The following HHAT variants were observed in gnomAD, a reference collection of about 807,000 sequenced individuals.
HHAT encodes hedgehog acyltransferase.
A neutral mutation model predicts 70.8 loss-of-function variants in HHAT; 47 were observed. That is an observed-to-expected ratio of 0.66 (90% confidence interval 0.53 to 0.85). The LOEUF (loss-of-function observed/expected upper bound fraction) is 0.85. HHAT is among the 40% of genes least tolerant of loss of function. HHAT has a pLI of 0.00. For synonymous variants in HHAT, 228 were observed against 247.6 expected (o/e 0.92, Z 0.74); for missense variants, 609 against 604.8 (o/e 1.01, Z -0.07).
At chr1:210,651,037 G>C (rs1367660766) in intron 11 of HHAT, among the ~76,000 whole-genome samples, 2 of 152,216 alleles carry the variant, frequency 1.3e-5, no homozygotes, top group Non-Finnish European at 2.9e-5. Context: ...TAGGGGGAGA[G>C]AGGAACCAGC....
At chr1:210,484,242 T>C (rs1021490794) in intron 8 of HHAT, among the ~76,000 whole-genome samples, 15 of 151,850 alleles carry the variant, frequency 9.9e-5, no homozygotes, top group Non-Finnish European at 1.6e-4. Flanking sequence ...GTCCGTAGCC[T>C]TTTTTTGTCT....
chr1:210,374,853 T>C lies in HHAT; in HGVS notation c.159+11934T>C, dbSNP rs963538344. On this transcript the variant is annotated intron_variant, in intron 3 of 11. Transcript: ENST00000261458. ...ATTACCTGGGTATATTGTGTGACGC[T>C]GAGGTTGAGGGTATGAATGATCTTG... Among the ~76,000 whole-genome samples, 4 of 151,662 alleles carry C rather than the reference T, an allele frequency of 2.6e-5. No individual in the cohort carries two copies. In the East Asian group the frequency reaches 7.8e-4, roughly 29 times the overall value.
intron 8 of HHAT, among the ~76,000 whole-genome samples, chr1:210,468,576 CT>C (rs1450117164): frequency 2.0e-5 from 3 of 152,098 alleles, no homozygotes; most frequent in Non-Finnish European, 4.4e-5. Flanking sequence ...TGAGCACCTT[CT>C]TTTAGTGAGG....
chr1:210,328,223 A>G (rs1010237759), upstream of HHAT: 1 of 152,152 alleles, frequency 6.6e-6, no homozygotes, highest in African/African-American at 2.4e-5. Flanking sequence ...TTCTGCTGAG[A>G]TAAGTCTGGA....
chr1:210,440,460 C>T (rs1306477011), intron 7 of HHAT, among the ~76,000 whole-genome samples: 1 of 151,672 alleles, frequency 6.6e-6, no homozygotes, highest in Non-Finnish European at 1.5e-5. Flanking sequence ...GTAGCCCACC[C>T]CAGAAAGGCT....
rs560588829 is a variant in HHAT at position 210,374,454 on chromosome 1, T to G, written c.159+11535T>G. On this transcript the variant is annotated intron_variant, in intron 3 of 11. Coordinates refer to ENST00000261458, the MANE Select transcript of HHAT (RefSeq NM_018194.6). ...TTTAAGCTTTAAATAATTTACTATG[T>G]GCAGGGTACTATGGGTATGCAAATG... Among the ~76,000 whole-genome samples the G allele has an allele frequency of 2.0e-5, 3 of 152,324 alleles. No homozygotes were observed. In the East Asian group the frequency reaches 5.8e-4, roughly 29 times the overall value.
chr1:210,485,570 T>A (rs1372997580), intron 8 of HHAT, among the ~76,000 whole-genome samples: 3 of 152,114 alleles, frequency 2.0e-5, no homozygotes, highest in Non-Finnish European at 4.4e-5. Context: ...TACCTGAGAC[T>A]GGGTAAATTA....
chr1:210,387,557 A>G lies in HHAT; in HGVS notation c.249A>G (p.Gln83=). The G allele has an allele frequency of 3.1e-6, 5 of 1,613,778 alleles. No individual in the cohort carries two copies. The highest frequency in any genetic ancestry group is 3.4e-6 in the Non-Finnish European group (4 of 1,179,694). The change falls in exon 4 of 12, where the codon CAA becomes CAG. Residue 83 remains glutamine (Q), a synonymous_variant. Coordinates refer to ENST00000261458, the MANE Select transcript of HHAT (RefSeq NM_018194.6). ...WLLLGHMVVS[Q]MATLLARKHR... The stretch of plus-strand genomic sequence containing the variant: ...TCCTTGGCCACATGGTAGTGTCTCA[A>G]ATGGCCACACTGCTGGCAAGAAAGG...
chr1:210,652,846 C>CA (rs1190915137), intron 11 of HHAT, among the ~76,000 whole-genome samples: 1 of 152,166 alleles, frequency 6.6e-6, no homozygotes, highest in African/African-American at 2.4e-5. Flanking sequence ...TGGCATAGAT[C>CA]AAAAATTTTA....
chr1:210,390,574 T>C (rs990473636), intron 4 of HHAT, among the ~76,000 whole-genome samples: 2 of 152,108 alleles, frequency 1.3e-5, no homozygotes, highest in Non-Finnish European at 1.5e-5. Flanking sequence ...TCTTCAGTGG[T>C]GATTTATGAA....
intron 8 of HHAT, among the ~76,000 whole-genome samples, chr1:210,484,291 A>G (rs953488369): frequency 6.6e-6 from 1 of 152,126 alleles, no homozygotes; most frequent in African/African-American, 2.4e-5. Context: ...CTTATTTAAT[A>G]GAACACTCAT....
At chr1:210,539,465 T>C (rs2095407121) in intron 9 of HHAT, among the ~76,000 whole-genome samples, 1 of 152,210 alleles carries the variant, frequency 6.6e-6, no homozygotes, top group Non-Finnish European at 1.5e-5. Flanking sequence ...CCTTGCCATC[T>C]CCTGCTAAAG....
intron 11 of HHAT, among the ~76,000 whole-genome samples, chr1:210,638,085 C>A (rs529778647): frequency 3.7e-4 from 57 of 152,264 alleles, no homozygotes; most frequent in African/African-American, 1.2e-3. Context: ...GGAACCTTTA[C>A]TGCTGATGGG....
At chr1:210,331,725 T>A (rs1345460472) in intron 1 of HHAT, among the ~76,000 whole-genome samples, 1 of 152,224 alleles carries the variant, frequency 6.6e-6, no homozygotes. Context: ...GAAATCCCAG[T>A]GTTCACTTGT....
chr1:210,633,168 G>A (rs1671205804), intron 11 of HHAT, among the ~76,000 whole-genome samples: 1 of 152,236 alleles, frequency 6.6e-6, no homozygotes, highest in Admixed American at 6.5e-5. Flanking sequence ...TGAAGTTGGG[G>A]TAGGGAGAGG....
At chr1:210,662,936 G>A (rs1678079294) in intron 11 of HHAT, among the ~76,000 whole-genome samples, 1 of 152,114 alleles carries the variant, frequency 6.6e-6, no homozygotes, top group Admixed American at 6.5e-5. Flanking sequence ...TGTGCACTCA[G>A]CTCCTAGCAA....
At chr1:210,623,888 C>T (rs569256974) in intron 11 of HHAT, among the ~76,000 whole-genome samples, 1 of 152,286 alleles carries the variant, frequency 6.6e-6, no homozygotes, top group Non-Finnish European at 1.5e-5. Context: ...GTATGTGATA[C>T]TTGTTTAACA....
At chr1:210,595,697 T>C (rs1420599709) in intron 10 of HHAT, among the ~76,000 whole-genome samples, 1 of 152,254 alleles carries the variant, frequency 6.6e-6, no homozygotes, top group Non-Finnish European at 1.5e-5. Context: ...GGTTTTGATT[T>C]GCGTTTCTCT....
chr1:210,649,164 A>T (rs1233409873), intron 11 of HHAT, among the ~76,000 whole-genome samples: 1 of 152,204 alleles, frequency 6.6e-6, no homozygotes, highest in African/African-American at 2.4e-5. Context: ...GGTAAGTAAT[A>T]GAGGGGAATT....
Sources: gnomAD v4.1 joint callset for allele counts (sites outside exome capture counted in the v4.1 genomes callset) on GRCh38, gnomAD v4.1.1 for gene constraint, MANE v1.5 for transcripts, NCBI Gene and HGNC (gene_info 2026-07-23, HGNC 2026-07-21) for gene names.